Variants in NBAS observed in about 807,000 individuals in gnomAD.
The protein encoded by NBAS is NAG/BC035112 fusion.
A neutral mutation model predicts 302.5 loss-of-function variants in NBAS; 219 were observed. The ratio of observed to expected loss-of-function variants is 0.72; its 90% confidence interval spans 0.65 to 0.81. The LOEUF is 0.81. Among genes scored for constraint, NBAS ranks in the 30% least tolerant of loss-of-function variants. The probability of loss-of-function intolerance (pLI) is 0.00; values close to 1 mark genes in which losing one functional copy is unlikely to be tolerated. For missense variants in NBAS, 2,932 were observed against 2,841.6 expected (o/e 1.03, Z -0.72); for synonymous variants, 1,118 against 1,021.6 (o/e 1.09, Z -1.80).
At chr2:15,159,972 T>G in the NBAS span, among the ~76,000 whole-genome samples, 3 of 152,146 alleles carry the variant, frequency 2.0e-5, no homozygotes, top group East Asian at 5.8e-4. Flanking sequence ...AAGATGCATT[T>G]CAAAAATCTA....
chr2:15,157,041 T>G, the NBAS span, among the ~76,000 whole-genome samples: 1 of 152,182 alleles, frequency 6.6e-6, no homozygotes, highest in Non-Finnish European at 1.5e-5. Flanking sequence ...CACAAATTTC[T>G]TGGACTACCT....
the NBAS span, among the ~76,000 whole-genome samples, chr2:15,083,163 C>A: frequency 6.6e-6 from 1 of 152,200 alleles, no homozygotes; most frequent in African/African-American, 2.4e-5. Context: ...TGCCCAGTAC[C>A]CCTCTCCCAC....
chr2:15,480,621 G>A (rs1223296737), intron 12 of NBAS, among the ~76,000 whole-genome samples: 4 of 152,032 alleles, frequency 2.6e-5, no homozygotes, highest in Non-Finnish European at 5.9e-5. Context: ...GATAAGACTT[G>A]GATGTGGAAA....
At chr2:15,232,059 T>C (rs1667404400) in intron 47 of NBAS, among the ~76,000 whole-genome samples, 2 of 152,206 alleles carry the variant, frequency 1.3e-5, no homozygotes. Context: ...TTAAAGAGCA[T>C]ATATACTCAC....
the NBAS span, among the ~76,000 whole-genome samples, chr2:15,032,874 T>C: frequency 2.0e-5 from 3 of 152,236 alleles, no homozygotes; most frequent in African/African-American, 7.2e-5. Context: ...GCTCTATTCT[T>C]CAAGACAAGG....
At chr2:14,884,696 C>T in the NBAS span, among the ~76,000 whole-genome samples, 11 of 152,146 alleles carry the variant, frequency 7.2e-5, no homozygotes, top group Admixed American at 7.2e-4. Flanking sequence ...AGCTGACATT[C>T]CAATGAGAGG....
chr2:14,835,727 T>C, the NBAS span, among the ~76,000 whole-genome samples: 1 of 152,006 alleles, frequency 6.6e-6, no homozygotes, highest in Non-Finnish European at 1.5e-5. Flanking sequence ...ATTTATTTTT[T>C]TGTGGATGTT....
chr2:15,341,056 A>T (rs1412752279), intron 35 of NBAS, among the ~76,000 whole-genome samples: 1 of 152,202 alleles, frequency 6.6e-6, no homozygotes, highest in Non-Finnish European at 1.5e-5. Context: ...TTTAGACCCT[A>T]CAGGGCTAAA....
At chr2:15,224,837 T>G (rs1455271970) in intron 47 of NBAS, among the ~76,000 whole-genome samples, 1 of 152,208 alleles carries the variant, frequency 6.6e-6, no homozygotes, top group Non-Finnish European at 1.5e-5. Flanking sequence ...ATTAATGAAC[T>G]GACCCACATA....
chr2:15,071,414 A>G, the NBAS span, among the ~76,000 whole-genome samples: 3 of 152,156 alleles, frequency 2.0e-5, no homozygotes, highest in African/African-American at 7.2e-5. Context: ...TCACGAGGTC[A>G]GGAGTTGGAG....
chr2:15,369,732 T>C (rs182805382), intron 31 of NBAS, among the ~76,000 whole-genome samples: 16 of 152,362 alleles, frequency 1.1e-4, no homozygotes, highest in Middle Eastern at 3.4e-3. Flanking sequence ...TACCTTTTAA[T>C]AATTAAAGAT....
chr2:14,843,741 G>C, the NBAS span, among the ~76,000 whole-genome samples: 2 of 152,144 alleles, frequency 1.3e-5, no homozygotes, highest in African/African-American at 4.8e-5. Context: ...GGTGCAGAGA[G>C]AGAATCTGCA....
At chr2:15,264,410 G>A (rs1203889081) in intron 44 of NBAS, among the ~76,000 whole-genome samples, 2 of 152,094 alleles carry the variant, frequency 1.3e-5, no homozygotes, top group African/African-American at 2.4e-5. Context: ...TCCTCTCCAG[G>A]AGCAGAATGC....
chr2:15,110,823 C>T, the NBAS span, among the ~76,000 whole-genome samples: 1 of 152,164 alleles, frequency 6.6e-6, no homozygotes, highest in Non-Finnish European at 1.5e-5. Flanking sequence ...TTTAAGTCTA[C>T]TCTTAAATAT....
At chr2:15,338,941 A>G (rs964335831) in intron 35 of NBAS, among the ~76,000 whole-genome samples, 1 of 152,148 alleles carries the variant, frequency 6.6e-6, no homozygotes, top group Admixed American at 6.6e-5. Flanking sequence ...TAAGCCCCGG[A>G]GTTCAATGAT....
At chr2:15,285,973 C>G (rs1288169285) in intron 42 of NBAS, among the ~76,000 whole-genome samples, 2 of 152,106 alleles carry the variant, frequency 1.3e-5, no homozygotes, top group African/African-American at 4.8e-5. Flanking sequence ...CTTGCCTTTT[C>G]CTCACACTTC....
the NBAS span, among the ~76,000 whole-genome samples, chr2:14,972,208 C>T: frequency 6.6e-6 from 1 of 152,042 alleles, no homozygotes; most frequent in Admixed American, 6.5e-5. Flanking sequence ...GAACAGAAAA[C>T]CAAACACTGC....
the NBAS span, among the ~76,000 whole-genome samples, chr2:14,956,087 A>G: frequency 6.6e-6 from 1 of 152,152 alleles, no homozygotes; most frequent in Non-Finnish European, 1.5e-5. Flanking sequence ...GCACTAAATC[A>G]TCTCTCTCAG....
At chr2:15,095,291 G>A in the NBAS span, among the ~76,000 whole-genome samples, 2 of 152,196 alleles carry the variant, frequency 1.3e-5, no homozygotes, top group African/African-American at 2.4e-5. Flanking sequence ...AAAGAAAGAG[G>A]TTTAATGGAC....
Sources: allele counts gnomAD v4.1 joint callset (sites outside exome capture counted in the v4.1 genomes callset), GRCh38; gene constraint gnomAD v4.1.1; transcripts MANE v1.5; gene names NCBI Gene and HGNC (gene_info 2026-07-23, HGNC 2026-07-21).